Variants in DYNC1I2 observed in about 807,000 individuals in gnomAD.
DYNC1I2 encodes the protein cytoplasmic dynein 1 intermediate chain 2.
Under a neutral mutation model 88.6 loss-of-function variants are expected in DYNC1I2, and 53 were observed. The ratio of observed to expected loss-of-function variants is 0.60; its 90% CI spans 0.48 to 0.75. The LOEUF is 0.75. Among genes scored for constraint, DYNC1I2 ranks in the 30% least tolerant of loss-of-function variants. DYNC1I2 has a pLI of 0.00. For synonymous variants in DYNC1I2, 198 were observed against 254.6 expected, an observed-to-expected ratio of 0.78 and a Z score of 2.12; for missense variants, 458 against 766.6, an observed-to-expected ratio of 0.60 and a Z score of 4.75.
At chr2:171,714,552 C>G (rs1284721012) in intron 6 of DYNC1I2, among the ~76,000 whole-genome samples, 4 of 152,102 alleles carry the variant, frequency 2.6e-5, no homozygotes, top group Non-Finnish European at 5.9e-5. Flanking sequence ...AATAAAAGAT[C>G]TCCCAGATAG....
intron 6 of DYNC1I2, among the ~76,000 whole-genome samples, chr2:171,713,027 T>A (rs1248801171): frequency 6.6e-6 from 1 of 152,172 alleles, no homozygotes; most frequent in Non-Finnish European, 1.5e-5. Context: ...CTGAGTCCAT[T>A]TAAGTGTCCA....
intron 15 of DYNC1I2, among the ~76,000 whole-genome samples, chr2:171,741,749 C>T (rs546083156): frequency 1.3e-5 from 2 of 152,242 alleles, no homozygotes; most frequent in South Asian, 2.1e-4. Flanking sequence ...TTGCTGAGTT[C>T]AAGGTCACAA....
intron 4 of DYNC1I2, 46 bp from the exon 5 acceptor site, chr2:171,707,241 C>A (rs1686750376): frequency 6.2e-7 from 1 of 1,613,344 alleles, no homozygotes; most frequent in Admixed American, 1.7e-5. Context: ...AGCTGAGCAA[C>A]CTCTCCGTGT....
chr2:171,709,011 T>G (rs185494232), intron 5 of DYNC1I2, among the ~76,000 whole-genome samples: 1 of 152,300 alleles, frequency 6.6e-6, no homozygotes, highest in East Asian at 1.9e-4. Context: ...TTTAGACAAT[T>G]AATAATCAAC....
chr2:171,712,624 A>ATTT, intron 5 of DYNC1I2, 143 bp from the exon 6 acceptor site: 1 of 511,500 alleles, frequency 2.0e-6, no homozygotes, highest in Non-Finnish European at 3.4e-6. Context: ...TTTGTTTTCG[A>ATTT]TTTTTTTTTT....
chr2:171,721,029 G>C (rs1687863149), intron 7 of DYNC1I2, among the ~76,000 whole-genome samples: 1 of 147,548 alleles, frequency 6.8e-6, no homozygotes, highest in Non-Finnish European at 1.5e-5. Context: ...GTGTGCACCT[G>C]TAGTCCCAGG....
chr2:171,690,352 A>G (rs1376096664), intron 2 of DYNC1I2, 89 bp downstream of exon 2: 1 of 937,902 alleles, frequency 1.1e-6, no homozygotes, highest in African/African-American at 1.7e-5. Flanking sequence ...GGTTGGTGCA[A>G]AAGTAATCGT....
chr2:171,719,059 A>G (rs533418336), intron 7 of DYNC1I2, among the ~76,000 whole-genome samples: 1 of 152,274 alleles, frequency 6.6e-6, no homozygotes, highest in East Asian at 1.9e-4. Flanking sequence ...AATATTGTCT[A>G]GCACTGATTC....
At chr2:171,696,117 G>A (rs750608690) in intron 3 of DYNC1I2, among the ~76,000 whole-genome samples, 18 of 152,124 alleles carry the variant, frequency 1.2e-4, no homozygotes, top group Admixed American at 2.0e-4. Context: ...ACTTTTGTCT[G>A]TTTTAGTCTT....
intron 15 of DYNC1I2, among the ~76,000 whole-genome samples, chr2:171,733,299 T>C (rs1198190014): frequency 6.6e-6 from 1 of 152,072 alleles, no homozygotes; most frequent in African/African-American, 2.4e-5. Context: ...AATAGAGTGA[T>C]TGATACTCCT....
intron 15 of DYNC1I2, among the ~76,000 whole-genome samples, chr2:171,735,296 T>G (rs1407932042): frequency 6.6e-6 from 1 of 152,218 alleles, no homozygotes; most frequent in Non-Finnish European, 1.5e-5. Flanking sequence ...TCTGGTTCAT[T>G]GACTTGTTTT....
intron 15 of DYNC1I2, among the ~76,000 whole-genome samples, chr2:171,733,848 C>T (rs1236520479): frequency 6.6e-6 from 1 of 151,510 alleles, no homozygotes; most frequent in Non-Finnish European, 1.5e-5. Flanking sequence ...TGCTTTGGGC[C>T]TCTTCATCAT....
At chr2:171,691,226 G>A (rs1294726273) in intron 2 of DYNC1I2, among the ~76,000 whole-genome samples, 2 of 152,046 alleles carry the variant, frequency 1.3e-5, no homozygotes, top group Admixed American at 1.3e-4. Flanking sequence ...TTGATTTTTT[G>A]TATCAAAAAT....
chr2:171,707,591 T>C (rs1686784112), intron 5 of DYNC1I2, among the ~76,000 whole-genome samples: 1 of 152,182 alleles, frequency 6.6e-6, no homozygotes, highest in East Asian at 1.9e-4. Flanking sequence ...TTTAATTAAC[T>C]TAGTACTAAA....
Position 171,737,886 on chromosome 2 carries a change from G to T in DYNC1I2, c.1537-6163G>T, listed in dbSNP as rs567361672. Among the ~76,000 whole-genome samples, 168 of 151,870 alleles carry T rather than the reference G, an allele frequency of 1.1e-3. 1 individual carries two copies. Among genetic ancestry groups the T allele is most frequent in the African/African-American group, 3.9e-3 (163 of 41,408 alleles). ...TAAAATCATGTCACGGGGGTTTGTT[G>T]TACAGATTATTCCATCACCCAGGTG... On this transcript the variant is annotated intron_variant, in intron 15 of 17. Transcript: ENST00000397119.
chr2:171,700,692 C>T (rs1574520817), intron 3 of DYNC1I2, among the ~76,000 whole-genome samples: 1 of 151,988 alleles, frequency 6.6e-6, no homozygotes, highest in Admixed American at 6.6e-5. Context: ...AGTACAGTGG[C>T]GTGATCTTGG....
At chr2:171,697,065 A>G (rs1288861191) in intron 3 of DYNC1I2, among the ~76,000 whole-genome samples, 2 of 152,100 alleles carry the variant, frequency 1.3e-5, no homozygotes, top group Admixed American at 6.6e-5. Context: ...CAGTGGTGCA[A>G]CCATGGCTTG....
rs773070640 is a variant in DYNC1I2 at position 171,744,174 on chromosome 2, C to T, written c.1662C>T (p.Leu554=). ...TGGGGAGATTGGATTTGTGGAATCT[C>T]AATAATGACACAGAGGTGAGCAGGA... ...DGMGRLDLWN[L]NNDTEVPTAS... is the part of the protein sequence containing the mutation. The change falls in exon 16 of 18, where the codon CTC becomes CTT. Residue 554 remains leucine (L), a synonymous_variant. Coordinates refer to ENST00000397119, the MANE Select transcript of DYNC1I2 (RefSeq NM_001378.3). The T allele has an allele frequency of 6.2e-7, 1 of 1,605,568 alleles. No homozygotes were observed. Among genetic ancestry groups the T allele is most frequent in the Non-Finnish European group, 8.5e-7 (1 of 1,176,736 alleles).
chr2:171,714,675 A>G (rs990302088), intron 6 of DYNC1I2, among the ~76,000 whole-genome samples: 2 of 152,222 alleles, frequency 1.3e-5, no homozygotes, highest in African/African-American at 4.8e-5. Context: ...TAGTAGATTT[A>G]TGGTATTCAA....
Sources: allele counts gnomAD v4.1 joint callset (sites outside exome capture counted in the v4.1 genomes callset), GRCh38; gene constraint gnomAD v4.1.1; transcripts MANE v1.5; gene names NCBI Gene and HGNC (gene_info 2026-07-23, HGNC 2026-07-21).